The following RIT2 variants were observed in gnomAD, a reference collection of about 807,000 sequenced individuals.
RIT2 encodes the protein GTP-binding protein Rit2.
Under a neutral mutation model 23.7 loss-of-function variants are expected in RIT2, and 24 were observed. The ratio of observed to expected loss-of-function variants is 1.01; its 90% confidence interval spans 0.73 to 1.43. The LOEUF is 1.43. Ranked by LOEUF, RIT2 falls within the 40% of genes most tolerant of loss-of-function variation. The pLI, the probability that RIT2 is intolerant of heterozygous loss-of-function variation, is 0.00. For missense variants in RIT2, 236 were observed against 266.9 expected (o/e 0.88, Z 0.81); for synonymous variants, 107 against 91.1 (o/e 1.17, Z -0.99).
intron 1 of RIT2, among the ~76,000 whole-genome samples, chr18:43,089,793 AT>A (rs1251995337): frequency 6.6e-6 from 1 of 152,056 alleles, no homozygotes; most frequent in Admixed American, 6.6e-5. Flanking sequence ...TAAGGGAAGG[AT>A]TCCCTACTCA....
intron 4 of RIT2, among the ~76,000 whole-genome samples, chr18:42,792,877 G>T (rs1230357255): frequency 6.6e-6 from 1 of 152,060 alleles, no homozygotes; most frequent in East Asian, 1.9e-4. Context: ...TTTAGTGAAT[G>T]GTGAAATTCC....
At chr18:42,775,432 G>A (rs1453829201) in intron 4 of RIT2, among the ~76,000 whole-genome samples, 1 of 152,106 alleles carries the variant, frequency 6.6e-6, no homozygotes, top group Non-Finnish European at 1.5e-5. Flanking sequence ...CATGGTGGCT[G>A]AAGTCTGTAA....
rs576853211 is a variant in RIT2, at chr18:42,826,154, T to G, written c.427-82434A>C. ...TTGTATATTTATTTGAGAGTGAGGA[T>G]TTTACGTTTTTCACGCACACACAAA... On this transcript the variant is annotated intron_variant, in intron 4 of 4. Coordinates refer to ENST00000326695, the MANE Select transcript of RIT2 (RefSeq NM_002930.4). 3.9e-5 allele frequency among the ~76,000 whole-genome samples: 6 copies of G among 152,168 alleles called. No individual in the cohort carries two copies. The East Asian group carries it at 9.6e-4, about 24-fold the overall frequency.
At chr18:42,794,140 G>A (rs1291026977) in intron 4 of RIT2, among the ~76,000 whole-genome samples, 5 of 152,098 alleles carry the variant, frequency 3.3e-5, no homozygotes, top group Admixed American at 1.3e-4. Context: ...ACTCTTTCTG[G>A]TGAAGGTAAG....
intron 4 of RIT2, among the ~76,000 whole-genome samples, chr18:42,752,350 T>G (rs1252162694): frequency 6.6e-6 from 1 of 152,200 alleles, no homozygotes; most frequent in Non-Finnish European, 1.5e-5. Flanking sequence ...AAATTAAATA[T>G]TGAATATTCA....
intron 4 of RIT2, among the ~76,000 whole-genome samples, chr18:42,848,894 G>C (rs1351694277): frequency 6.6e-6 from 1 of 152,090 alleles, no homozygotes; most frequent in African/African-American, 2.4e-5. Context: ...TGATTATTAA[G>C]GTTTATCTGA....
intron 3 of RIT2, among the ~76,000 whole-genome samples, chr18:42,951,141 C>A (rs1388869778): frequency 1.3e-5 from 2 of 151,940 alleles, no homozygotes; most frequent in Non-Finnish European, 2.9e-5. Context: ...GCATTATTCA[C>A]AATATCAAAA....
At chr18:42,882,164 T>G (rs1191268944) in intron 4 of RIT2, among the ~76,000 whole-genome samples, 1 of 152,218 alleles carries the variant, frequency 6.6e-6, no homozygotes, top group Non-Finnish European at 1.5e-5. Flanking sequence ...GATACAGGCT[T>G]AACGGATTAG....
At chr18:43,026,665 A>G (rs1388504945) in intron 2 of RIT2, among the ~76,000 whole-genome samples, 2 of 151,532 alleles carry the variant, frequency 1.3e-5, no homozygotes, top group African/African-American at 2.4e-5. Context: ...TGTAGATGAA[A>G]AAGTTTTTCT....
intron 2 of RIT2, among the ~76,000 whole-genome samples, chr18:42,982,396 A>T (rs1910618007): frequency 6.6e-6 from 1 of 152,114 alleles, no homozygotes; most frequent in African/African-American, 2.4e-5. Flanking sequence ...TCACATAGTG[A>T]TCTCTGCAAA....
intron 1 of RIT2, among the ~76,000 whole-genome samples, chr18:43,080,798 C>G (rs925030411): frequency 6.6e-6 from 1 of 152,210 alleles, no homozygotes; most frequent in African/African-American, 2.4e-5. Flanking sequence ...TGCTGCCACT[C>G]ACTTGCTCTA....
intron 4 of RIT2, among the ~76,000 whole-genome samples, chr18:42,856,108 T>C (rs557990647): frequency 8.5e-5 from 13 of 152,330 alleles, no homozygotes; most frequent in Admixed American, 5.2e-4. Flanking sequence ...AGGTGGATCA[T>C]AGAGACCAGA....
At chr18:42,852,466 G>A (rs933823279) in intron 4 of RIT2, among the ~76,000 whole-genome samples, 1 of 152,212 alleles carries the variant, frequency 6.6e-6, no homozygotes. Context: ...TTTAGGATGG[G>A]TTAATTAATT....
intron 1 of RIT2, among the ~76,000 whole-genome samples, chr18:43,065,230 T>G (rs1413288755): frequency 6.9e-6 from 1 of 144,602 alleles, no homozygotes. Context: ...TTTTTTTTTT[T>G]TTTTTTTTTT....
intron 4 of RIT2, among the ~76,000 whole-genome samples, chr18:42,835,407 C>G (rs1906568851): frequency 6.6e-6 from 1 of 151,884 alleles, no homozygotes; most frequent in African/African-American, 2.4e-5. Flanking sequence ...TTCTGGAAAC[C>G]TATGTTCTAT....
At chr18:42,906,087 A>C (rs184933070) in intron 4 of RIT2, among the ~76,000 whole-genome samples, 480 of 149,232 alleles carry the variant, frequency 3.2e-3, no homozygotes, top group African/African-American at 0.011. Flanking sequence ...TTTTCATTTT[A>C]AGCCTTATAT....
chr18:42,835,356 A>G (rs1026416032), intron 4 of RIT2, among the ~76,000 whole-genome samples: 49 of 152,176 alleles, frequency 3.2e-4, no homozygotes, highest in Middle Eastern at 3.4e-3. Flanking sequence ...ATCATGTTCT[A>G]TACCTTAAAT....
chr18:42,779,496 T>C (rs2143929237), intron 4 of RIT2, among the ~76,000 whole-genome samples: 1 of 152,286 alleles, frequency 6.6e-6, no homozygotes, highest in East Asian at 1.9e-4. Context: ...GCAGGGGGAT[T>C]AAATTCAAAC....
chr18:43,115,295 T>C lies in RIT2; in HGVS notation c.103+122A>G, dbSNP rs1050567094. ...ACTTTGGAGCATCCTGCCAGACCCA[T>C]ACTCTGTGTTTAACTGCCACAGTTC... On this transcript the variant is annotated intron_variant, in intron 1 of 4. Transcript: ENST00000326695. 6.4e-6 allele frequency: 8 copies of C among 1,251,528 alleles called. No homozygotes were observed. The African/African-American group carries it at 1.1e-4, about 17-fold the overall frequency. The allele number at this position is 1,251,528 out of a possible 1,614,324, so 77.5% of individuals were successfully genotyped here.
Sources: allele counts gnomAD v4.1 joint callset (sites outside exome capture counted in the v4.1 genomes callset), GRCh38; gene constraint gnomAD v4.1.1; transcripts MANE v1.5; gene names NCBI Gene and HGNC (gene_info 2026-07-23, HGNC 2026-07-21).